C4orf54: variants seen among roughly 807,000 people sequenced by gnomAD.
C4orf54 encodes chromosome 4 open reading frame 54.
C4orf54 carries 67 observed loss-of-function variants against 80.1 expected under a neutral mutation model. The observed-to-expected ratio is 0.84, with a 90% CI of 0.69 to 1.03. C4orf54 has a LOEUF of 1.03. C4orf54 is among the 50% of genes least tolerant of loss of function. The probability of loss-of-function intolerance (pLI) is 0.00; values close to 1 mark genes in which losing one functional copy is unlikely to be tolerated. For synonymous variants in C4orf54, 1,000 were observed against 917.0 expected, an observed-to-expected ratio of 1.09 and a Z score of -1.64; for missense variants, 2,434 against 2,253.5, an observed-to-expected ratio of 1.08 and a Z score of -1.62.
At chr4:99,642,778 A>G (rs1406835243) in intron 2 of C4orf54, among the ~76,000 whole-genome samples, 1 of 152,230 alleles carries the variant, frequency 6.6e-6, no homozygotes, top group Non-Finnish European at 1.5e-5. Context: ...CCACGGTTTT[A>G]GGACCAGAAC....
chr4:99,652,450 C>A lies in C4orf54; in HGVS notation c.2199G>T (p.Thr733=), dbSNP rs1436789893. Residue 733 remains threonine (T), a synonymous_variant, in exon 2 of 3, where the codon ACG becomes ACT. Coordinates refer to ENST00000511828, the MANE Select transcript of C4orf54 (RefSeq NM_001354435.2). ...GGACCTGCTTCTGGAAACACAGGGG[C>A]GTCTCCACATGTTTGATTTCCCCCT... ...KVEGEIKHVE[T]PLCFQKQVQT... 4 of 1,535,980 alleles carry A rather than the reference C, an allele frequency of 2.6e-6. No homozygotes were observed. Among genetic ancestry groups the A allele is most frequent in the Non-Finnish European group, 3.5e-6 (4 of 1,146,850 alleles).
Position 99,652,807 on chromosome 4 carries a change from G to T in C4orf54, c.1842C>A (p.Ser614Arg). 1 of 1,536,080 alleles carries T rather than the reference G, an allele frequency of 6.5e-7. No homozygotes were observed. Among genetic ancestry groups the T allele is most frequent in the Non-Finnish European group, 8.7e-7 (1 of 1,146,906 alleles). Residue 614 changes from serine (S) to arginine (R), a missense_variant, in exon 2 of 3, where the codon AGC becomes AGA. Ser to Arg is a moderately radical substitution (Grantham distance 110). Coordinates refer to ENST00000511828, the MANE Select transcript of C4orf54 (RefSeq NM_001354435.2). The part of the protein sequence containing the change: ...DYSSGASSAV[S>R]ELDDADKEVR... ...CCTCTTTGTCCGCATCGTCCAGTTCGCTCACGGCACTGGAGGCTCCGCTGG... is the reference window on the plus strand; with the variant it reads ...CCTCTTTGTCCGCATCGTCCAGTTCTCTCACGGCACTGGAGGCTCCGCTGG...
In C4orf54 at chr4:99,650,014, G is replaced by T. The variant is rs985399768; in HGVS notation, c.4635C>A (p.Ala1545=). ...KPDNPRETVA[A]PPGPQSPEHP... is the part of the protein sequence containing the mutation. ...GCTCGGGGCTCTGTGGCCCTGGGGG[G>T]GCAGCTACTGTCTCCCGGGGGTTGT... is the stretch of plus-strand genomic sequence containing the variant. The change falls in exon 2 of 3, where the codon GCC becomes GCA. Residue 1545 remains alanine, a synonymous_variant. Transcript: ENST00000511828. The T allele has an allele frequency of 4.6e-6, 7 of 1,535,170 alleles. No homozygotes were observed. The African/African-American group carries it at 6.8e-5, about 15-fold the overall frequency.
Position 99,650,604 on chromosome 4 carries a change from C to G in C4orf54, c.4045G>C (p.Ala1349Pro). 1 of 1,536,052 alleles carries G rather than the reference C, an allele frequency of 6.5e-7. No homozygotes were observed. Among genetic ancestry groups the G allele is most frequent in the East Asian group, 2.4e-5 (1 of 40,898 alleles). Residue 1349 changes from alanine (A) to proline (P), a missense_variant, in exon 2 of 3, where the codon GCT (alanine) becomes CCT (proline). Transcript: ENST00000511828. ...RLQRRNSNPS[A>P]ESVSARAAAF... ...GCTGCCCTGGCAGACACACTCTCAG[C>G]GCTGGGGTTGGAGTTTCTCCGCTGC... is the stretch of plus-strand genomic sequence containing the variant.
In C4orf54 at chr4:99,651,213, C is replaced by T. The variant is rs1335619182; in HGVS notation, c.3436G>A (p.Gly1146Arg). The change falls in exon 2 of 3, where the codon GGA becomes AGA. Residue 1146 changes from glycine (G) to arginine (R), a missense_variant. By Grantham distance (125) the Gly-to-Arg change is moderately radical (BLOSUM62 -2). Transcript: ENST00000511828. ...GTAATCACCATGGGGGACAGGGATC[C>T]AGATCCGCCAGCTGCTGCAGACAGC... is the stretch of plus-strand genomic sequence containing the variant. The part of the protein sequence containing the change: ...RQLSAAAGGS[G>R]SLSPMVITCQ... The T allele has an allele frequency of 2.0e-6, 3 of 1,536,164 alleles. No individual in the cohort carries two copies. In the South Asian group the frequency reaches 3.6e-5, roughly 18 times the overall value.
intron 2 of C4orf54, among the ~76,000 whole-genome samples, chr4:99,644,039 A>G (rs941728112): frequency 2.0e-5 from 3 of 152,290 alleles, no homozygotes; most frequent in African/African-American, 7.2e-5. Context: ...AACAAATAAG[A>G]GAAGAGGGAC....
rs953123629 is a variant in C4orf54, at chr4:99,654,561, A to G, written c.88T>C (p.Cys30Arg). ...CAGTTGTTTGCCTGGCACCGTCGGC[A>G]GCAGCGAGGAGTCTGAATGCCATCG... The part of the protein sequence containing the change: ...VADGIQTPRC[C>R]RRCQANNWTG... The change falls in exon 2 of 3, where the codon TGC (cysteine) becomes CGC (arginine). Residue 30 changes from cysteine to arginine, a missense_variant. Cys to Arg is a radical substitution (Grantham distance 180, BLOSUM62 -3). Coordinates refer to ENST00000511828, the MANE Select transcript of C4orf54 (RefSeq NM_001354435.2). 2.1e-5 allele frequency: 15 copies of G among 703,058 alleles called. No homozygotes were observed. The highest frequency in any genetic ancestry group is 3.9e-5 in the Non-Finnish European group (15 of 384,992). The allele number at this position is 703,058 out of a possible 1,614,324, so 43.6% of individuals were successfully genotyped here.
intron 1 of C4orf54, among the ~76,000 whole-genome samples, chr4:99,656,980 T>C (rs1329302489): frequency 6.6e-6 from 1 of 152,274 alleles, no homozygotes; most frequent in Non-Finnish European, 1.5e-5. Flanking sequence ...GTTTGTTTTT[T>C]CTGGTTTTTC....
rs1194025354 is a variant in C4orf54, at chr4:99,640,217, C to T, written c.*1016G>A. 1 of 152,156 alleles carries T rather than the reference C, an allele frequency of 6.6e-6. No individual in the cohort carries two copies. Among genetic ancestry groups the T allele is most frequent in the African/African-American group, 2.4e-5 (1 of 41,454 alleles). The allele number at this position is 152,156 out of a possible 1,614,324, so 9.4% of individuals were successfully genotyped here. ...TCTTGACATCTCTTCAAACCTGCCT[C>T]ATCCTCATAAGGAGCAAGTGCTGTA... On this transcript the variant is annotated 3_prime_UTR_variant, in exon 3 of 3. Coordinates refer to ENST00000511828, the MANE Select transcript of C4orf54 (RefSeq NM_001354435.2).
intron 2 of C4orf54, among the ~76,000 whole-genome samples, chr4:99,648,544 T>C (rs1726737593): frequency 6.8e-6 from 1 of 146,348 alleles, no homozygotes; most frequent in Non-Finnish European, 1.5e-5. Flanking sequence ...CCCTCCCCCA[T>C]AGAGAACAAA....
Position 99,652,131 on chromosome 4 carries a change from G to A in C4orf54, c.2518C>T (p.His840Tyr). ...GTCTCCTTGGAGGTGCCTGAGAGGTGGTGGGATGTATCCATGACTTCTCCC... is the reference window on the plus strand; with the variant it reads ...GTCTCCTTGGAGGTGCCTGAGAGGTAGTGGGATGTATCCATGACTTCTCCC... ...ERGEVMDTSH[H>Y]LSGTSKETEG... Residue 840 changes from histidine (H) to tyrosine (Y), a missense_variant, in exon 2 of 3, where the codon CAC becomes TAC. Physicochemically the swap from His to Tyr is moderately conservative, Grantham distance 83. Transcript: ENST00000511828. The A allele has an allele frequency of 5.9e-6, 9 of 1,536,104 alleles. No homozygotes were observed. Among genetic ancestry groups the A allele is most frequent in the Non-Finnish European group, 7.8e-6 (9 of 1,146,870 alleles).
chr4:99,653,991 C>T lies in C4orf54; in HGVS notation c.658G>A (p.Gly220Arg). ...TMKLTLGHCP[G>R]GQRASRSPKE... ...GGGCTCCTAGAGGCCCTCTGACCCC[C>T]AGGGCAGTGCCCCAGGGTAAGTTTC... Residue 220 changes from glycine to arginine, a missense_variant, in exon 2 of 3, where the codon GGG (glycine) becomes AGG (arginine). By Grantham distance (125) the Gly-to-Arg change is moderately radical. Transcript: ENST00000511828. 6.5e-7 allele frequency: 1 copy of T among 1,536,136 alleles called. No homozygotes were observed. Among genetic ancestry groups the T allele is most frequent in the Non-Finnish European group, 8.7e-7 (1 of 1,146,898 alleles).
At position 99,652,363 on chromosome 4, in the gene C4orf54, G is replaced by A; in HGVS notation, c.2286C>T (p.Ala762=). The A allele has an allele frequency of 6.5e-7, 1 of 1,536,102 alleles. No individual in the cohort carries two copies. Among genetic ancestry groups the A allele is most frequent in the Non-Finnish European group, 8.7e-7 (1 of 1,146,880 alleles). ...CCCTGCCGGGCCCAGGGGCCGAGCT[G>A]GCTTTGCTCTCACTGCGTACATTCA... ...EPLNVRSESK[A]SSAPGPGRAT... Residue 762 remains alanine (A), a synonymous_variant, in exon 2 of 3, where the codon GCC becomes GCT. Transcript: ENST00000511828.
chr4:99,644,195 GT>G (rs1726659560), intron 2 of C4orf54, among the ~76,000 whole-genome samples: 1 of 152,046 alleles, frequency 6.6e-6, no homozygotes, highest in Admixed American at 6.6e-5. Context: ...TGTTTAATTT[GT>G]CAAACAGAGA....
chr4:99,651,969 T>G lies in C4orf54; in HGVS notation c.2680A>C (p.Lys894Gln). Residue 894 changes from lysine (K) to glutamine (Q), a missense_variant, in exon 2 of 3, where the codon AAA (lysine) becomes CAA (glutamine). Physicochemically the swap from Lys to Gln is moderately conservative, Grantham distance 53. Coordinates refer to ENST00000511828, the MANE Select transcript of C4orf54 (RefSeq NM_001354435.2). ...GTACTGGCTTTGAAGACTGGAGATT[T>G]GGAGCCCGCCACGGACCCCTCCCCG... is the stretch of plus-strand genomic sequence containing the variant. ...AGGEGSVAGS[K>Q]SPVFKASTPR... 1 of 1,536,112 alleles carries G rather than the reference T, an allele frequency of 6.5e-7. No individual in the cohort carries two copies. The highest frequency in any genetic ancestry group is 1.4e-5 in the African/African-American group (1 of 73,168).
intron 2 of C4orf54, among the ~76,000 whole-genome samples, chr4:99,641,749 A>G (rs1244018975): frequency 6.6e-6 from 1 of 152,160 alleles, no homozygotes; most frequent in Non-Finnish European, 1.5e-5. Context: ...GACATGTTCA[A>G]AAGCTTGCTG....
rs1200819341 is a variant in C4orf54, at chr4:99,637,095, A to G, written c.*4138T>C. 1 of 152,214 alleles carries G rather than the reference A, an allele frequency of 6.6e-6. No homozygotes were observed. The highest frequency in any genetic ancestry group is 2.4e-5 in the African/African-American group (1 of 41,464). The allele number at this position is 152,214 out of a possible 1,614,324, so 9.4% of individuals were successfully genotyped here. A position where few individuals can be genotyped will look rare whatever the true frequency, so the allele number is the denominator to read the frequency against. The stretch of plus-strand genomic sequence containing the variant: ...GGGATAAAAAAAAGCATCACCTGCT[A>G]TGGATACAGGTATGGTAGATTATTC... On this transcript the variant is annotated 3_prime_UTR_variant, in exon 3 of 3. Transcript: ENST00000511828.
rs1319117308 is a variant in C4orf54 at position 99,649,362 on chromosome 4, C to T, written c.5287G>A (p.Val1763Ile). 6.5e-7 allele frequency: 1 copy of T among 1,536,138 alleles called. No individual in the cohort carries two copies. The highest frequency in any genetic ancestry group is 8.7e-7 in the Non-Finnish European group (1 of 1,146,918). Residue 1763 changes from valine (V) to isoleucine (I), a missense_variant, in exon 2 of 3, where the codon GTC becomes ATC. Physicochemically the swap from Val to Ile is conservative, Grantham distance 29. Coordinates refer to ENST00000511828, the MANE Select transcript of C4orf54 (RefSeq NM_001354435.2). Reference protein sequence around the residue: ...KAFAQLHGKPVISITSQPLGP... With the variant: ...KAFAQLHGKPIISITSQPLGP... ...AGGGGCTGCGAAGTAATGCTGATGA[C>T]AGGCTTGCCATGCAGCTGGGCAAAG... is the stretch of plus-strand genomic sequence containing the variant.
At position 99,649,444 on chromosome 4, in the gene C4orf54, C is replaced by T. The variant is rs142020179; in HGVS notation, c.5205G>A (p.Pro1735=). Residue 1735 remains proline (P), a synonymous_variant, in exon 2 of 3, where the codon CCG becomes CCA. Coordinates refer to ENST00000511828, the MANE Select transcript of C4orf54 (RefSeq NM_001354435.2). ...APYFMASGQS[P]ASSTSSAPAA... is the part of the protein sequence containing the mutation. ...CTGGGGCTGAGGAGGTTGAGGAGGC[C>T]GGAGACTGACCAGAAGCCATGAAGT... The T allele has an allele frequency of 7.7e-3, 11,863 of 1,536,126 alleles. 120 individuals carry two copies. Among genetic ancestry groups the T allele is most frequent in the South Asian group, 0.02 (1,654 of 84,064 alleles).
Sources: allele counts gnomAD v4.1 joint callset (sites outside exome capture counted in the v4.1 genomes callset), GRCh38; gene constraint gnomAD v4.1.1; transcripts MANE v1.5; gene names NCBI Gene and HGNC (gene_info 2026-07-23, HGNC 2026-07-21).